The following HCN1 variants were observed in gnomAD, a reference collection of about 807,000 sequenced individuals.
The protein encoded by HCN1 is hyperpolarization activated cyclic nucleotide gated potassium channel 1.
Under a neutral mutation model 78.9 loss-of-function variants are expected in HCN1, and 13 were observed. The ratio of observed to expected loss-of-function variants is 0.16; its 90% CI spans 0.11 to 0.26. HCN1 has a LOEUF of 0.26. Ranked by LOEUF, HCN1 falls within the 10% of genes least tolerant of loss-of-function variation. The pLI is 1.00. For synonymous variants in HCN1, 552 were observed against 455.5 expected, an observed-to-expected ratio of 1.21 and a Z score of -2.70; for missense variants, 810 against 1,154.3, an observed-to-expected ratio of 0.70 and a Z score of 4.32.
At chr5:45,277,717 T>A (rs904558944) in intron 6 of HCN1, among the ~76,000 whole-genome samples, 6 of 152,132 alleles carry the variant, frequency 3.9e-5, no homozygotes, top group African/African-American at 1.4e-4. Context: ...TCAACCAGGA[T>A]TGATGCTTAC....
At chr5:45,566,182 G>A (rs1214784981) in intron 2 of HCN1, among the ~76,000 whole-genome samples, 2 of 151,994 alleles carry the variant, frequency 1.3e-5, no homozygotes, top group African/African-American at 2.4e-5. Context: ...GCACTGCCCA[G>A]TATAATACCA....
intron 2 of HCN1, among the ~76,000 whole-genome samples, chr5:45,504,080 A>G (rs1245347702): frequency 6.6e-6 from 1 of 152,066 alleles, no homozygotes; most frequent in Non-Finnish European, 1.5e-5. Flanking sequence ...CCACCATGCC[A>G]GGACCACATT....
At chr5:45,517,211 T>C (rs1052243211) in intron 2 of HCN1, among the ~76,000 whole-genome samples, 1 of 151,946 alleles carries the variant, frequency 6.6e-6, no homozygotes, top group Non-Finnish European at 1.5e-5. Context: ...TAAACCACGA[T>C]AGTCAGAACA....
intron 2 of HCN1, among the ~76,000 whole-genome samples, chr5:45,518,169 C>A (rs1360678364): frequency 6.6e-6 from 1 of 152,066 alleles, no homozygotes; most frequent in Admixed American, 6.6e-5. Flanking sequence ...CGGGAGGTTA[C>A]ATCACTTCAG....
intron 2 of HCN1, among the ~76,000 whole-genome samples, chr5:45,565,427 T>C (rs1328397924): frequency 6.6e-6 from 1 of 152,168 alleles, no homozygotes; most frequent in Admixed American, 6.6e-5. Context: ...TGTTCCACCA[T>C]TAAACAATAT....
At chr5:45,385,814 T>C (rs1264836205) in intron 4 of HCN1, among the ~76,000 whole-genome samples, 2 of 152,154 alleles carry the variant, frequency 1.3e-5, no homozygotes, top group Non-Finnish European at 2.9e-5. Flanking sequence ...ATGTGTCTGT[T>C]TGGGAATAAT....
chr5:45,482,310 A>C (rs1741671276), intron 2 of HCN1, among the ~76,000 whole-genome samples: 1 of 152,172 alleles, frequency 6.6e-6, no homozygotes, highest in Admixed American at 6.6e-5. Context: ...CTCAACTCAC[A>C]ATATCCACCT....
intron 3 of HCN1, among the ~76,000 whole-genome samples, chr5:45,443,601 T>A (rs893044805): frequency 6.6e-6 from 1 of 152,086 alleles, no homozygotes; most frequent in East Asian, 1.9e-4. Context: ...TTTCCATAAG[T>A]TTTTTGCAAT....
At chr5:45,276,923 G>A (rs1230201983) in intron 6 of HCN1, among the ~76,000 whole-genome samples, 1 of 151,956 alleles carries the variant, frequency 6.6e-6, no homozygotes, top group Non-Finnish European at 1.5e-5. Context: ...GAATGAAATA[G>A]TATCATGATA....
At chr5:45,412,832 G>A (rs566357889) in intron 3 of HCN1, among the ~76,000 whole-genome samples, 4 of 152,112 alleles carry the variant, frequency 2.6e-5, no homozygotes, top group Admixed American at 2.0e-4. Flanking sequence ...TTATTTTGGG[G>A]ATGAAAAGAA....
chr5:45,371,779 A>G (rs1014610867), intron 4 of HCN1, among the ~76,000 whole-genome samples: 2 of 142,052 alleles, frequency 1.4e-5, no homozygotes, highest in East Asian at 2.0e-4. Context: ...ATATATATAT[A>G]TGTACACACA....
At chr5:45,683,526 A>G (rs1739746020) in intron 1 of HCN1, among the ~76,000 whole-genome samples, 1 of 152,134 alleles carries the variant, frequency 6.6e-6, no homozygotes, top group South Asian at 2.1e-4. Context: ...CCTATCCAGA[A>G]CAAGTCTCTC....
At chr5:45,430,662 C>A (rs1357827500) in intron 3 of HCN1, among the ~76,000 whole-genome samples, 2 of 151,780 alleles carry the variant, frequency 1.3e-5, no homozygotes, top group African/African-American at 2.4e-5. Flanking sequence ...TGTTTATATA[C>A]CACATTTTTT....
At chr5:45,482,363 A>C (rs1426863262) in intron 2 of HCN1, among the ~76,000 whole-genome samples, 2 of 152,174 alleles carry the variant, frequency 1.3e-5, no homozygotes, top group African/African-American at 4.8e-5. Flanking sequence ...TCTCAACCTC[A>C]CGTAAAGTGT....
rs541010115 is a variant in HCN1 at position 45,283,016 on chromosome 5, C to A, written c.1619-15763G>T. ...GGTAATTACAAACTTGTACTGCATCCTCCATATCTGAACTGGGTCTAAGAA... is the reference window on the plus strand; with the variant it reads ...GGTAATTACAAACTTGTACTGCATCATCCATATCTGAACTGGGTCTAAGAA... On this transcript the variant is annotated intron_variant, in intron 6 of 7. Coordinates refer to ENST00000303230, the MANE Select transcript of HCN1 (RefSeq NM_021072.4). Among the ~76,000 whole-genome samples the A allele has an allele frequency of 1.2e-4, 18 of 152,194 alleles. No homozygotes were observed. The South Asian group carries it at 3.5e-3, about 30-fold the overall frequency.
At chr5:45,473,058 T>C (rs1055100349) in intron 2 of HCN1, among the ~76,000 whole-genome samples, 12 of 152,078 alleles carry the variant, frequency 7.9e-5, no homozygotes, top group Admixed American at 5.9e-4. Context: ...CTGCTCTCTT[T>C]TCCTTGCTCA....
In HCN1 at chr5:45,398,085, G is replaced by C. The variant is rs148109777; in HGVS notation, c.1012-1375C>G. On this transcript the variant is annotated intron_variant, in intron 3 of 7. Coordinates refer to ENST00000303230, the MANE Select transcript of HCN1 (RefSeq NM_021072.4). Reference sequence around the variant, plus strand: ...GGCTGTGAGATTAGGGTCAACTTCTGATAATTTATTTAAAAATATATATTT... The same window carrying C: ...GGCTGTGAGATTAGGGTCAACTTCTCATAATTTATTTAAAAATATATATTT... 3.1e-4 allele frequency among the ~76,000 whole-genome samples: 47 copies of C among 151,860 alleles called. 1 individual carries two copies. The East Asian group carries it at 7.0e-3, about 23-fold the overall frequency.
intron 3 of HCN1, among the ~76,000 whole-genome samples, chr5:45,455,729 G>A (rs1180023340): frequency 7.6e-6 from 1 of 131,608 alleles, no homozygotes; most frequent in Admixed American, 8.5e-5. Flanking sequence ...TGTTATGTGT[G>A]AGCTTCAAAT....
chr5:45,318,570 A>G lies in HCN1; in HGVS notation c.1378-14731T>C, dbSNP rs542354658. On this transcript the variant is annotated intron_variant, in intron 5 of 7. Coordinates refer to ENST00000303230, the MANE Select transcript of HCN1 (RefSeq NM_021072.4). Reference sequence around the variant, plus strand: ...TAGAACTTGTATAATAAAAAGAAAAAATATTATTTAATAAAATAAAAAGAA... The same window carrying G: ...TAGAACTTGTATAATAAAAAGAAAAGATATTATTTAATAAAATAAAAAGAA... Among the ~76,000 whole-genome samples the G allele has an allele frequency of 9.9e-5, 15 of 151,824 alleles. No homozygotes were observed. The East Asian group carries it at 2.7e-3, about 27-fold the overall frequency.
Sources: allele counts gnomAD v4.1 joint callset (sites outside exome capture counted in the v4.1 genomes callset), GRCh38; gene constraint gnomAD v4.1.1; transcripts MANE v1.5; gene names NCBI Gene and HGNC (gene_info 2026-07-23, HGNC 2026-07-21).